The following HAO1 variants were observed in gnomAD, a reference collection of about 807,000 sequenced individuals.
HAO1 encodes 2-Hydroxyacid oxidase 1.
HAO1 carries 34 observed loss-of-function variants against 39.7 expected under a neutral mutation model. The observed-to-expected ratio is 0.86, with a 90% CI of 0.65 to 1.14. HAO1 has a LOEUF of 1.14. Ranked by LOEUF, HAO1 falls within the 50% of genes most tolerant of loss-of-function variation. HAO1 has a pLI of 0.00. For missense variants in HAO1, 479 were observed against 464.5 expected (o/e 1.03, Z -0.29); for synonymous variants, 172 against 173.2 (o/e 0.99, Z 0.05).
At chr20:7,910,692 T>C (rs964916037) in intron 3 of HAO1, among the ~76,000 whole-genome samples, 4 of 152,182 alleles carry the variant, frequency 2.6e-5, no homozygotes, top group African/African-American at 9.7e-5. Flanking sequence ...TCTTCCCATC[T>C]CAAGCCCCTT....
intron 2 of HAO1, among the ~76,000 whole-genome samples, chr20:7,925,331 A>G (rs2050354250): frequency 6.6e-6 from 1 of 152,160 alleles, no homozygotes; most frequent in South Asian, 2.1e-4. Flanking sequence ...ATCATGGCCC[A>G]TTGAACGAAT....
At chr20:7,923,720 T>C (rs1040525513) in intron 2 of HAO1, among the ~76,000 whole-genome samples, 1 of 152,162 alleles carries the variant, frequency 6.6e-6, no homozygotes, top group Non-Finnish European at 1.5e-5. Flanking sequence ...AGGAATCACA[T>C]GGGTATGTTA....
chr20:7,913,245 C>T (rs1017962478), intron 3 of HAO1, among the ~76,000 whole-genome samples: 1 of 149,602 alleles, frequency 6.7e-6, no homozygotes, highest in Admixed American at 6.7e-5. Flanking sequence ...TCTGGGAACA[C>T]AGGAAGACAT....
chr20:7,925,254 G>A lies in HAO1; in HGVS notation c.289+9230C>T, dbSNP rs547225284. Among the ~76,000 whole-genome samples, 6 of 152,162 alleles carry A rather than the reference G, an allele frequency of 3.9e-5. No individual in the cohort carries two copies. The South Asian group carries it at 1.0e-3, about 26-fold the overall frequency. ...AACAGATCTTAATTTACAATTTATG[G>A]AACTGAACCAATTTAAACACTGCCA... On this transcript the variant is annotated intron_variant, in intron 2 of 7. Coordinates refer to ENST00000378789, the MANE Select transcript of HAO1 (RefSeq NM_017545.3).
chr20:7,892,078 CTTTTG>C (rs576647268), intron 5 of HAO1, among the ~76,000 whole-genome samples: 122 of 152,118 alleles, frequency 8.0e-4, no homozygotes, highest in South Asian at 2.1e-3. Flanking sequence ...TACTTTTCAT[CTTTTG>C]TTTGTTTGTT....
intron 2 of HAO1, 36 bp downstream of exon 2, chr20:7,934,448 C>T: frequency 6.4e-7 from 1 of 1,561,124 alleles, no homozygotes; most frequent in African/African-American, 1.4e-5. Flanking sequence ...AAACGTTAGC[C>T]TCCTTCTGTC....
At chr20:7,919,341 C>T (rs1448289305) in intron 2 of HAO1, among the ~76,000 whole-genome samples, 1 of 152,142 alleles carries the variant, frequency 6.6e-6, no homozygotes, top group African/African-American at 2.4e-5. Context: ...CAGATATATT[C>T]AGACTTTATT....
intron 2 of HAO1, among the ~76,000 whole-genome samples, chr20:7,927,379 C>CA (rs1168747211): frequency 2.0e-5 from 3 of 151,524 alleles, no homozygotes; most frequent in Non-Finnish European, 4.4e-5. Flanking sequence ...GAAAAAAATT[C>CA]AAAAAAATAA....
At chr20:7,914,534 C>G (rs1461018089) in intron 2 of HAO1, 115 bp from the exon 3 acceptor site, 3 of 1,086,944 alleles carry the variant, frequency 2.8e-6, no homozygotes, top group Non-Finnish European at 3.9e-6. Context: ...AATATGAAGT[C>G]AAATCTCTTA....
chr20:7,921,637 A>G (rs920162881), intron 2 of HAO1, among the ~76,000 whole-genome samples: 1 of 152,138 alleles, frequency 6.6e-6, no homozygotes, highest in Non-Finnish European at 1.5e-5. Flanking sequence ...TCATTCTACC[A>G]AAGAGACACG....
At chr20:7,890,904 T>C (rs1713258711) in intron 5 of HAO1, among the ~76,000 whole-genome samples, 1 of 152,212 alleles carries the variant, frequency 6.6e-6, no homozygotes, top group Non-Finnish European at 1.5e-5. Context: ...TGAGTAATAT[T>C]CCATCATATA....
chr20:7,890,645 T>C (rs1255810471), intron 5 of HAO1, among the ~76,000 whole-genome samples: 1 of 152,282 alleles, frequency 6.6e-6, no homozygotes, highest in East Asian at 1.9e-4. Flanking sequence ...GGTGCACCCA[T>C]CACCTAAGCA....
At chr20:7,931,466 T>G (rs1339330500) in intron 2 of HAO1, among the ~76,000 whole-genome samples, 1 of 152,188 alleles carries the variant, frequency 6.6e-6, no homozygotes, top group Non-Finnish European at 1.5e-5. Context: ...ACTTATGAAT[T>G]GTGCATCCCT....
intron 2 of HAO1, among the ~76,000 whole-genome samples, chr20:7,917,667 GC>G (rs1446554021): frequency 2.0e-5 from 3 of 152,216 alleles, no homozygotes; most frequent in Admixed American, 1.3e-4. Flanking sequence ...AAGGGGTCTG[GC>G]AGAGAAAATC....
chr20:7,935,686 T>C (rs942679881), intron 1 of HAO1, among the ~76,000 whole-genome samples: 1 of 152,222 alleles, frequency 6.6e-6, no homozygotes, highest in African/African-American at 2.4e-5. Context: ...GATTCTTCTG[T>C]GTTGGAATGA....
In HAO1 at chr20:7,885,741, C is replaced by G; in HGVS notation, c.937G>C (p.Val313Leu). ...AAGCCCCAAACGATTGGTCTCCCCA[C>G]AAACACAGCCTTGGCGCCAAGAGCC... ...ALALGAKAVFVGRPIVWGLAF... is the reference protein window; with the variant it reads ...ALALGAKAVFLGRPIVWGLAF... The change falls in exon 6 of 8, where the codon GTG becomes CTG. Residue 313 changes from valine to leucine, a missense_variant. Physicochemically the swap from Val to Leu is conservative, Grantham distance 32 (BLOSUM62 1). Coordinates refer to ENST00000378789, the MANE Select transcript of HAO1 (RefSeq NM_017545.3). The G allele has an allele frequency of 1.2e-6, 2 of 1,613,824 alleles. No homozygotes were observed. Among genetic ancestry groups the G allele is most frequent in the Non-Finnish European group, 1.7e-6 (2 of 1,179,776 alleles).
In HAO1 at chr20:7,888,208, G is replaced by T. The variant is rs6055366; in HGVS notation, c.814-2344C>A. ...TATCAAACACTTTATAAAGGACCTG[G>T]TATATTTAAGGCACTAATGTCAGGC... On this transcript the variant is annotated intron_variant, in intron 5 of 7. Coordinates refer to ENST00000378789, the MANE Select transcript of HAO1 (RefSeq NM_017545.3). 5.8e-3 allele frequency among the ~76,000 whole-genome samples: 877 copies of T among 152,168 alleles called. 11 individuals are homozygous for T. The highest frequency in any genetic ancestry group is 0.02 in the African/African-American group (845 of 41,520).
At chr20:7,931,146 A>T (rs1164155593) in intron 2 of HAO1, among the ~76,000 whole-genome samples, 2 of 152,162 alleles carry the variant, frequency 1.3e-5, no homozygotes, top group Non-Finnish European at 2.9e-5. Flanking sequence ...TAGGAACCCA[A>T]TGGAGGACCC....
intron 1 of HAO1, among the ~76,000 whole-genome samples, chr20:7,935,071 G>T (rs1057423980): frequency 6.6e-6 from 1 of 152,156 alleles, no homozygotes; most frequent in Non-Finnish European, 1.5e-5. Flanking sequence ...TGATAATTTT[G>T]CTTTGCAAGA....
Sources: allele counts gnomAD v4.1 joint callset (sites outside exome capture counted in the v4.1 genomes callset), GRCh38; gene constraint gnomAD v4.1.1; transcripts MANE v1.5; gene names NCBI Gene and HGNC (gene_info 2026-07-23, HGNC 2026-07-21).